Variants in OPRM1 observed in about 807,000 individuals in gnomAD.
OPRM1 encodes opioid receptor mu 1.
A neutral mutation model predicts 31.8 loss-of-function variants in OPRM1; 27 were observed. The ratio of observed to expected loss-of-function variants is 0.85; its 90% CI spans 0.63 to 1.17. OPRM1 has a LOEUF of 1.17. OPRM1 is among the 50% of genes most tolerant of loss of function. OPRM1 has a pLI of 0.00. For missense variants in OPRM1, 536 were observed against 511.1 expected, an observed-to-expected ratio of 1.05 and a Z score of -0.47; for synonymous variants, 196 against 189.9, an observed-to-expected ratio of 1.03 and a Z score of -0.26.
intron 3 of OPRM1, chr6:154,223,216 G>A (rs1364541988): frequency 5.6e-6 from 9 of 1,613,600 alleles, no homozygotes; most frequent in Non-Finnish European, 7.6e-6. Context: ...AAATCAGGCA[G>A]GTTGACAAAT....
chr6:154,152,335 G>GGAAAGA, intron 3 of OPRM1, among the ~76,000 whole-genome samples: 1 of 34,014 alleles, frequency 2.9e-5, no homozygotes, highest in Middle Eastern at 0.011. Flanking sequence ...AAGAAAGAAA[G>GGAAAGA]AAAGAAAGAA....
Position 154,047,383 on chromosome 6 carries a change from G to A in OPRM1, c.290+7549G>A, listed in dbSNP as rs1012059938. 4.0e-5 allele frequency among the ~76,000 whole-genome samples: 6 copies of A among 151,896 alleles called. No homozygotes were observed. The South Asian group carries it at 1.0e-3, about 26-fold the overall frequency. ...TCAGAGTATGTGCTGCCTCCTTAAG[G>A]GTTAGGAACGCATAACCTAAAAGCG... On this transcript the variant is annotated intron_variant, in intron 1 of 3. Transcript: ENST00000330432.
intron 3 of OPRM1, among the ~76,000 whole-genome samples, chr6:154,198,115 T>C (rs1312409788): frequency 6.6e-6 from 1 of 152,184 alleles, no homozygotes; most frequent in Non-Finnish European, 1.5e-5. Context: ...AGACCTCCAG[T>C]GATAAGGAAT....
chr6:154,090,860 G>A (rs564457650), intron 2 of OPRM1, 92 bp from the exon 3 acceptor site: 2 of 1,159,330 alleles, frequency 1.7e-6, no homozygotes, highest in South Asian at 1.5e-5. Context: ...TCTGGTCAAG[G>A]CTAAAAATGA....
At chr6:154,144,091 C>T (rs1798296258) in intron 3 of OPRM1, among the ~76,000 whole-genome samples, 1 of 152,128 alleles carries the variant, frequency 6.6e-6, no homozygotes, top group South Asian at 2.1e-4. Flanking sequence ...GCCAATTCCC[C>T]AAAAATCACA....
At chr6:154,092,369 A>T (rs1792461442) in intron 3 of OPRM1, among the ~76,000 whole-genome samples, 1 of 152,216 alleles carries the variant, frequency 6.6e-6, no homozygotes, top group Admixed American at 6.5e-5. Flanking sequence ...TTTAATATTA[A>T]TCTAAGTAAG....
At chr6:154,224,525 C>T (rs144965970) in intron 3 of OPRM1, among the ~76,000 whole-genome samples, 193 of 152,106 alleles carry the variant, frequency 1.3e-3, no homozygotes, top group African/African-American at 4.2e-3. Context: ...CCAGCCAACA[C>T]GGTGAAACCC....
At position 154,107,710 on chromosome 6, in the gene OPRM1, G is replaced by A. The variant is rs78584831; in HGVS notation, c.1165-10973G>A. On this transcript the variant is annotated intron_variant, in intron 3 of 3. Transcript: ENST00000330432. ...TGTGGTTAAAAGGTCAAGCTCCCAA[G>A]GTGGAGAGACTTCATCCAGTTTTTT... 5.4e-3 allele frequency: 3,855 copies of A among 718,542 alleles called. 93 individuals are homozygous for A. In the African/African-American group the frequency reaches 0.06, roughly 11 times the overall value. 44.5% of individuals were successfully genotyped at this position (718,542 alleles called of 1,614,324 possible).
chr6:154,136,572 T>C (rs1798064625), downstream of OPRM1, among the ~76,000 whole-genome samples: 1 of 152,204 alleles, frequency 6.6e-6, no homozygotes, highest in Non-Finnish European at 1.5e-5. Flanking sequence ...GGGGATCTCA[T>C]GTTCCACCTA....
chr6:154,108,626 A>C (rs1190843525), intron 3 of OPRM1: 2 of 218,186 alleles, frequency 9.2e-6, no homozygotes, highest in African/African-American at 4.7e-5. Context: ...AGACAGATTA[A>C]TCCAAAGAGA....
At chr6:154,086,390 C>T (rs1234799219) in intron 1 of OPRM1, 1 of 177,132 alleles carries the variant, frequency 5.6e-6, no homozygotes, top group East Asian at 1.9e-4. Context: ...CTATAAAATG[C>T]CCGTTGAAAG....
At chr6:154,082,956 A>C (rs1164509455) in intron 1 of OPRM1, among the ~76,000 whole-genome samples, 1 of 152,202 alleles carries the variant, frequency 6.6e-6, no homozygotes, top group African/African-American at 2.4e-5. Flanking sequence ...TATAATACAT[A>C]AATACTATTT....
rs540231119 is a variant in OPRM1 at position 154,052,795 on chromosome 6, T to A, written c.290+12961T>A. Among the ~76,000 whole-genome samples, 4 of 152,296 alleles carry A rather than the reference T, an allele frequency of 2.6e-5. No individual in the cohort carries two copies. The South Asian group carries it at 8.3e-4, about 32-fold the overall frequency. On this transcript the variant is annotated intron_variant, in intron 1 of 3. Coordinates refer to ENST00000330432, the MANE Select transcript of OPRM1 (RefSeq NM_000914.5). ...CATTTTGTTAAAATAACCTAGTACT[T>A]AGTAGGTGTGTATATTTATGGGGTA...
rs35398081 is a variant in OPRM1, at chr6:154,189,943, C to CA, written c.1165-56740dup. Among the ~76,000 whole-genome samples, 758 of 136,062 alleles carry CA rather than the reference C, an allele frequency of 5.6e-3. 9 individuals are homozygous for CA. The highest frequency in any genetic ancestry group is 0.019 in the African/African-American group (714 of 38,254). 89.3% of individuals were successfully genotyped at this position (136,062 alleles called of 152,430 possible). A position where few individuals can be genotyped will look rare whatever the true frequency, so the allele number is the denominator to read the frequency against. On this transcript the variant is annotated intron_variant, in intron 3 of 3. Coordinates refer to the OPRM1 transcript ENST00000337049. Reference sequence around the variant, plus strand: ...TGGGCGACAGAGTAAGACTCAGTCTCAAAAAAAAAAGAAACATCACACCGT... The same window carrying CA: ...TGGGCGACAGAGTAAGACTCAGTCTCAAAAAAAAAAAGAAACATCACACCGT...
At chr6:154,104,428 A>G (rs1349974605) in intron 3 of OPRM1, among the ~76,000 whole-genome samples, 2 of 152,226 alleles carry the variant, frequency 1.3e-5, no homozygotes, top group Non-Finnish European at 2.9e-5. Context: ...CTAAGCTGAT[A>G]TGGGGTTGTT....
intron 1 of OPRM1, among the ~76,000 whole-genome samples, chr6:154,042,289 C>T (rs1012666194): frequency 1.2e-4 from 18 of 152,208 alleles, no homozygotes; most frequent in African/African-American, 4.3e-4. Flanking sequence ...GAACATTTAA[C>T]TGACTGTCTC....
intron 3 of OPRM1, among the ~76,000 whole-genome samples, chr6:154,115,221 A>G (rs752531636): frequency 2.6e-5 from 4 of 152,158 alleles, no homozygotes; most frequent in Admixed American, 6.5e-5. Flanking sequence ...AGAACCTAGT[A>G]CTTAGTCATT....
chr6:154,131,486 C>T lies in OPRM1; in HGVS notation c.*12765C>T, dbSNP rs908632204. Among the ~76,000 whole-genome samples the T allele has an allele frequency of 1.1e-4, 16 of 152,176 alleles. No individual in the cohort carries two copies. The highest frequency in any genetic ancestry group is 3.9e-4 in the African/African-American group (16 of 41,428). The stretch of plus-strand genomic sequence containing the variant: ...GTCTGAAAGAAGGGCAGAATTAATT[C>T]GTTTCCTTGACAGTGTTGGGGGTGA... On this transcript the variant is annotated 3_prime_UTR_variant, in exon 4 of 4. Transcript: ENST00000330432.
chr6:154,107,034 C>A lies in OPRM1; in HGVS notation c.1165-11649C>A, dbSNP rs563674481. ...ATACTTCATTTAAAGGCTTATATTT[C>A]TAAGCCAATTAATCAGAGCCCTTTT... On this transcript the variant is annotated intron_variant, in intron 3 of 3. Coordinates refer to ENST00000330432, the MANE Select transcript of OPRM1 (RefSeq NM_000914.5). Among the ~76,000 whole-genome samples the A allele has an allele frequency of 4.6e-5, 7 of 152,272 alleles. No homozygotes were observed. In the South Asian group the frequency reaches 1.2e-3, roughly 27 times the overall value.
Sources: gnomAD v4.1 joint callset for allele counts (sites outside exome capture counted in the v4.1 genomes callset) on GRCh38, gnomAD v4.1.1 for gene constraint, MANE v1.5 for transcripts, NCBI Gene and HGNC (gene_info 2026-07-23, HGNC 2026-07-21) for gene names.